Variants in POLQ observed in about 807,000 individuals in gnomAD.
The protein encoded by POLQ is DNA polymerase theta.
A neutral mutation model predicts 259.2 loss-of-function variants in POLQ; 233 were observed. That is an observed-to-expected ratio of 0.90 (90% CI 0.81 to 1.00). The LOEUF is 1.00. Ranked by LOEUF, POLQ falls within the 50% of genes least tolerant of loss-of-function variation. The pLI is 0.00. For synonymous variants in POLQ, 1,025 were observed against 1,048.8 expected, an observed-to-expected ratio of 0.98 and a Z score of 0.44; for missense variants, 2,871 against 3,051.6, an observed-to-expected ratio of 0.94 and a Z score of 1.39.
chr3:121,483,688 G>GC (rs2047988820), intron 17 of POLQ, 106 bp from the exon 18 acceptor site: 1 of 803,344 alleles, frequency 1.2e-6, no homozygotes, highest in Non-Finnish European at 1.9e-6. Flanking sequence ...GACTCAGAAG[G>GC]CTAAGGGTCT....
intron 26 of POLQ, among the ~76,000 whole-genome samples, chr3:121,444,912 A>G (rs2047620431): frequency 6.6e-6 from 1 of 152,192 alleles, no homozygotes; most frequent in South Asian, 2.1e-4. Flanking sequence ...ATAGATTTGC[A>G]TATGTTGAAC....
intron 20 of POLQ, among the ~76,000 whole-genome samples, chr3:121,474,431 G>A (rs1184027483): frequency 1.3e-5 from 2 of 152,216 alleles, no homozygotes; most frequent in Non-Finnish European, 2.9e-5. Context: ...GCTCAGATGA[G>A]AGGGGATGAA....
rs1029452310 is a variant in POLQ, at chr3:121,448,363, TTTTTA to T, written c.7264+947_7264+951del. On this transcript the variant is annotated intron_variant, in intron 26 of 29. Transcript: ENST00000264233. ...AGAATTTCTGCTTGATTCTTTTCAT[TTTTTA>T]TTTTATTTTATTTTTTGGGATGGAG... Among the ~76,000 whole-genome samples the T allele has an allele frequency of 1.8e-4, 28 of 152,040 alleles. No homozygotes were observed. In the East Asian group the frequency reaches 2.9e-3, roughly 16 times the overall value.
intron 14 of POLQ, among the ~76,000 whole-genome samples, chr3:121,496,276 A>G (rs577706530): frequency 4.5e-4 from 68 of 150,704 alleles, no homozygotes; most frequent in African/African-American, 1.5e-3. Flanking sequence ...TCCCGGGTTC[A>G]AGCAATTCTC....
At chr3:121,467,728 G>C in intron 23 of POLQ, 88 bp from the exon 24 acceptor site, 1 of 1,352,600 alleles carries the variant, frequency 7.4e-7, no homozygotes. Flanking sequence ...CAGTATTTCC[G>C]TCTAAGAAAC....
At chr3:121,467,724 T>C (rs1186028033) in intron 23 of POLQ, 84 bp from the exon 24 acceptor site, 28 of 1,380,590 alleles carry the variant, frequency 2.0e-5, no homozygotes, top group Non-Finnish European at 2.8e-5. Flanking sequence ...ACATCAGTAT[T>C]TCCGTCTAAG....
At chr3:121,537,264 T>C in intron 4 of POLQ, 56 bp from the exon 5 acceptor site, 1 of 964,220 alleles carries the variant, frequency 1.0e-6, no homozygotes, top group South Asian at 1.4e-5. Flanking sequence ...CATGAAGAAT[T>C]TTTTTCCAAC....
At chr3:121,448,433 TCTCGG>T (rs1170520272) in intron 26 of POLQ, among the ~76,000 whole-genome samples, 1 of 152,050 alleles carries the variant, frequency 6.6e-6, no homozygotes, top group African/African-American at 2.4e-5. Flanking sequence ...AATGGCGTGA[TCTCGG>T]CTCACTGCAC....
chr3:121,452,491 CTGTT>C (rs1289560523), intron 25 of POLQ, among the ~76,000 whole-genome samples: 73 of 112,072 alleles, frequency 6.5e-4, no homozygotes, highest in Non-Finnish European at 1.1e-3. Flanking sequence ...GTTGTTACTC[CTGTT>C]TTTTTTTTTT....
chr3:121,436,158 C>CCTCTCG lies in POLQ; in HGVS notation c.7506_7507insCGAGAG (p.His2502_Gly2503insArgGlu). 6.2e-7 allele frequency: 1 copy of CCTCTCG among 1,613,912 alleles called. No homozygotes were observed. The highest frequency in any genetic ancestry group is 8.5e-7 in the Non-Finnish European group (1 of 1,179,830). On this transcript the variant is annotated inframe_insertion, in exon 28 of 30. Transcript: ENST00000264233. The stretch of plus-strand genomic sequence containing the variant: ...CTTTGGAGCATACCCTCTCGATGAC[C>CCTCTCG]ATGGGATTTGAAGGTTGAGTGGAAG...
In POLQ at chr3:121,522,002, C is replaced by T; in HGVS notation, c.1255+1G>A. The T allele has an allele frequency of 6.4e-7, 1 of 1,557,180 alleles. No homozygotes were observed. The highest frequency in any genetic ancestry group is 1.2e-5 in the South Asian group (1 of 82,114). On this transcript the variant is annotated splice_donor_variant, in intron 8 of 29. Coordinates refer to ENST00000264233, the MANE Select transcript of POLQ (RefSeq NM_199420.4). LOFTEE classifies it high-confidence loss of function. ...TTAATAACATTATAAATATGAAATA[C>T]CTGCATGATGAAATGCTACTCCCCA...
rs191668853 is a variant in POLQ at position 121,506,998 on chromosome 3, T to C, written c.1959+2563A>G. 1.2e-3 allele frequency among the ~76,000 whole-genome samples: 189 copies of C among 152,310 alleles called. 2 individuals are homozygous for C. The highest frequency in any genetic ancestry group is 6.8e-3 in the Middle Eastern group (2 of 294). ...TGTTAAGAAAAAAAAAGGTATAATG[T>C]ATACAGCATGCTACCCTCTGTATAA... On this transcript the variant is annotated intron_variant, in intron 12 of 29. Transcript: ENST00000264233.
At position 121,493,510 on chromosome 3, in the gene POLQ, C is replaced by T; in HGVS notation, c.2490G>A (p.Glu830=). 1 of 1,613,528 alleles carries T rather than the reference C, an allele frequency of 6.2e-7. No individual in the cohort carries two copies. Among genetic ancestry groups the T allele is most frequent in the Non-Finnish European group, 8.5e-7 (1 of 1,179,612 alleles). ...AAGGCACAGCATTTTTCAGAATCAC[C>T]TCCACCTCCACAATATTTGCTCTAG... The part of the protein sequence containing the change: ...DLARANIVEV[E]VILKNAVPFK... Residue 830 remains glutamate, a synonymous_variant, in exon 15 of 30, where the codon GAG becomes GAA. Coordinates refer to ENST00000264233, the MANE Select transcript of POLQ (RefSeq NM_199420.4).
intron 25 of POLQ, among the ~76,000 whole-genome samples, chr3:121,457,837 G>C (rs1220714010): frequency 6.6e-6 from 1 of 152,144 alleles, no homozygotes; most frequent in African/African-American, 2.4e-5. Context: ...CGATTCCTCA[G>C]GGATCTAGTA....
chr3:121,516,487 A>G (rs576655251), intron 9 of POLQ, among the ~76,000 whole-genome samples: 12 of 152,332 alleles, frequency 7.9e-5, no homozygotes, highest in African/African-American at 2.9e-4. Flanking sequence ...GGCAAGGTTT[A>G]TAAAATGTCC....
In POLQ at chr3:121,483,586, T is replaced by TAA. The variant is rs78578025; in HGVS notation, c.5774-6_5774-5dup. 1.4e-3 allele frequency: 1,808 copies of TAA among 1,272,346 alleles called. No individual in the cohort carries two copies. Among genetic ancestry groups the TAA allele is most frequent in the South Asian group, 4.9e-3 (259 of 52,882 alleles). 78.8% of individuals were successfully genotyped at this position (1,272,346 alleles called of 1,614,324 possible). Reference sequence around the variant, plus strand: ...GGAACCAAACTGGCACTAATTTCTTTAAAAAAAAAAAAAAAAAGGAAAAAA... The same window carrying TAA: ...GGAACCAAACTGGCACTAATTTCTTTAAAAAAAAAAAAAAAAAAAGGAAAAAA... On this transcript the variant is annotated splice_region_variant and splice_polypyrimidine_tract_variant and intron_variant, in intron 17 of 29. Transcript: ENST00000264233.
Position 121,432,225 on chromosome 3 carries a change from G to T in POLQ, c.*79C>A. On this transcript the variant is annotated 3_prime_UTR_variant, in exon 30 of 30. Coordinates refer to ENST00000264233, the MANE Select transcript of POLQ (RefSeq NM_199420.4). ...CTTGAAAGTTTGTTTTGCTGAGGTAGGTGAAAGGGTAATCTCTGTTCTTTC... is the reference window on the plus strand; with the variant it reads ...CTTGAAAGTTTGTTTTGCTGAGGTATGTGAAAGGGTAATCTCTGTTCTTTC... The T allele has an allele frequency of 7.6e-7, 1 of 1,322,418 alleles. No homozygotes were observed. Among genetic ancestry groups the T allele is most frequent in the Non-Finnish European group, 1.0e-6 (1 of 979,422 alleles). The allele number at this position is 1,322,418 out of a possible 1,614,324, so 81.9% of individuals were successfully genotyped here.
chr3:121,453,845 G>A (rs996243008), intron 25 of POLQ, among the ~76,000 whole-genome samples: 1 of 152,160 alleles, frequency 6.6e-6, no homozygotes, highest in Non-Finnish European at 1.5e-5. Flanking sequence ...AATCTAGCAA[G>A]GCAGGCCAAC....
chr3:121,518,230 T>C (rs541682674), intron 9 of POLQ, among the ~76,000 whole-genome samples: 6 of 152,334 alleles, frequency 3.9e-5, no homozygotes, highest in East Asian at 1.9e-4. Context: ...AGAAAACTTA[T>C]CACATATTTT....
Sources: allele counts gnomAD v4.1 joint callset (sites outside exome capture counted in the v4.1 genomes callset), GRCh38; gene constraint gnomAD v4.1.1; transcripts MANE v1.5; gene names NCBI Gene and HGNC (gene_info 2026-07-23, HGNC 2026-07-21).